Variants in GMPR observed in about 807,000 individuals in gnomAD.
The protein encoded by GMPR is GMP reductase 1.
Under a neutral mutation model 38.4 loss-of-function variants are expected in GMPR, and 31 were observed. That is an observed-to-expected ratio of 0.81 (90% CI 0.61 to 1.09). The LOEUF (loss-of-function observed/expected upper bound fraction) is 1.09, where lower values mean the gene tolerates loss of function less well. Among genes scored for constraint, GMPR ranks in the 50% least tolerant of loss-of-function variants. The probability of loss-of-function intolerance (pLI) is 0.00; values close to 1 mark genes in which losing one functional copy is unlikely to be tolerated. For missense variants in GMPR, 468 were observed against 453.7 expected (o/e 1.03, Z -0.29); for synonymous variants, 162 against 173.3 (o/e 0.93, Z 0.51).
intron 4 of GMPR, among the ~76,000 whole-genome samples, chr6:16,266,280 C>T (rs888098998): frequency 5.9e-5 from 9 of 151,914 alleles, no homozygotes; most frequent in African/African-American, 1.9e-4. Context: ...TCTGAGGCTT[C>T]ATTCCTGAAG....
intron 7 of GMPR, among the ~76,000 whole-genome samples, chr6:16,287,449 G>A (rs935374837): frequency 3.9e-5 from 6 of 152,152 alleles, no homozygotes; most frequent in African/African-American, 1.2e-4. Context: ...TCTCCTTTGG[G>A]TGCCATTCCC....
At chr6:16,276,384 T>C (rs563973595) in intron 5 of GMPR, among the ~76,000 whole-genome samples, 101 of 152,282 alleles carry the variant, frequency 6.6e-4, no homozygotes, top group Non-Finnish European at 1.4e-3. Flanking sequence ...TTGGCCAGGC[T>C]GGTCTCGAAC....
chr6:16,251,279 AGCCAGACGCAGCCCGGCGCGGTGGCTCAC>A lies in GMPR; in HGVS notation c.291+916_291+944del, dbSNP rs1467632847. ...TTGAGGACATTTCACTAAGTGAAAA[AGCCAGACGCAGCCCGGCGCGGTGGCTCAC>A]GCCTGTAATCCCAGAACTTTGGGAG... On this transcript the variant is annotated intron_variant, in intron 3 of 8. Coordinates refer to ENST00000259727, the MANE Select transcript of GMPR (RefSeq NM_006877.4). Among the ~76,000 whole-genome samples the A allele has an allele frequency of 7.9e-5, 12 of 152,310 alleles. No individual in the cohort carries two copies. In the East Asian group the frequency reaches 2.3e-3, roughly 29 times the overall value.
chr6:16,239,013 G>T (rs1004944666), intron 1 of GMPR, among the ~76,000 whole-genome samples: 2 of 152,188 alleles, frequency 1.3e-5, no homozygotes, highest in Non-Finnish European at 2.9e-5. Flanking sequence ...GGGTGGCCTA[G>T]GGGAAGTTCA....
Sources: gnomAD v4.1 joint callset for allele counts (sites outside exome capture counted in the v4.1 genomes callset) on GRCh38, gnomAD v4.1.1 for gene constraint, MANE v1.5 for transcripts, NCBI Gene and HGNC (gene_info 2026-07-23, HGNC 2026-07-21) for gene names.